The following KLF13 variants were observed in gnomAD, a reference collection of about 807,000 sequenced individuals.
The protein encoded by KLF13 is KLF transcription factor 13.
KLF13 carries 8 observed loss-of-function variants against 16.7 expected under a neutral mutation model. That is an observed-to-expected ratio of 0.48 (90% CI 0.28 to 0.87). The LOEUF (loss-of-function observed/expected upper bound fraction) is 0.87. Ranked by LOEUF, KLF13 falls within the 40% of genes least tolerant of loss-of-function variation. The pLI, the probability that KLF13 is intolerant of heterozygous loss-of-function variation, is 0.10. For missense variants in KLF13, 447 were observed against 452.2 expected (o/e 0.99, Z 0.10); for synonymous variants, 245 against 208.4 (o/e 1.18, Z -1.51).
At chr15:31,330,386 A>G (rs1284608051) in intron 1 of KLF13, among the ~76,000 whole-genome samples, 1 of 152,198 alleles carries the variant, frequency 6.6e-6, no homozygotes, top group Non-Finnish European at 1.5e-5. Context: ...ATTTCATGGC[A>G]GAGGGTGAAT....
chr15:31,362,716 A>G (rs1319894616), intron 1 of KLF13, among the ~76,000 whole-genome samples: 5 of 152,142 alleles, frequency 3.3e-5, no homozygotes, highest in Non-Finnish European at 5.9e-5. Context: ...CCTGTTCTCC[A>G]TCTGCTCAGT....
rs150607061 is a variant in KLF13 at position 31,350,919 on chromosome 15, C to T, written c.578-21091C>T. Among the ~76,000 whole-genome samples, 187 of 152,304 alleles carry T rather than the reference C, an allele frequency of 1.2e-3. 1 individual carries two copies. The highest frequency in any genetic ancestry group is 3.4e-3 in the Middle Eastern group (1 of 294). ...AAGTAAGGAGCCTAATGTTTAATGGCCTTTGTGTAAGAACATGATGATGAC... is the reference window on the plus strand; with the variant it reads ...AAGTAAGGAGCCTAATGTTTAATGGTCTTTGTGTAAGAACATGATGATGAC... On this transcript the variant is annotated intron_variant, in intron 1 of 1. Coordinates refer to ENST00000307145, the MANE Select transcript of KLF13 (RefSeq NM_015995.4).
intron 1 of KLF13, 93 bp downstream of exon 1, chr15:31,327,882 T>TG: frequency 8.6e-7 from 1 of 1,169,250 alleles, no homozygotes. Flanking sequence ...GGGCGCGAGG[T>TG]GGGGGCCGGG....
intron 1 of KLF13, among the ~76,000 whole-genome samples, chr15:31,426,823 C>A (rs140081177): frequency 6.6e-6 from 1 of 152,178 alleles, no homozygotes; most frequent in East Asian, 1.9e-4. Flanking sequence ...GAAGATCCAC[C>A]CTCACTGTGG....
At chr15:31,366,463 TC>T (rs2039473207) in intron 1 of KLF13, 2 of 152,250 alleles carry the variant, frequency 1.3e-5, no homozygotes, top group African/African-American at 4.8e-5. Context: ...GACTCTGAGA[TC>T]CGGCAGGAAG....
intron 1 of KLF13, among the ~76,000 whole-genome samples, chr15:31,416,716 G>A (rs1458164709): frequency 6.6e-6 from 1 of 152,042 alleles, no homozygotes; most frequent in African/African-American, 2.4e-5. Context: ...TACTCTCAAA[G>A]GAATCAAGAA....
intron 1 of KLF13, 21 bp downstream of exon 1, chr15:31,327,810 GC>G: frequency 6.9e-7 from 1 of 1,442,550 alleles, no homozygotes; most frequent in Non-Finnish European, 9.2e-7. Context: ...CGGCGCGGGC[GC>G]CCGGATCGCG....
At chr15:31,391,326 CG>C (rs1227034962), upstream of KLF13, among the ~76,000 whole-genome samples, 1 of 69,106 alleles carries the variant, frequency 1.4e-5, no homozygotes, top group Non-Finnish European at 2.7e-5. Flanking sequence ...CTGTGGGTGT[CG>C]GGGTTGTGGG....
At chr15:31,333,321 C>T (rs1477439764) in intron 1 of KLF13, among the ~76,000 whole-genome samples, 2 of 152,208 alleles carry the variant, frequency 1.3e-5, no homozygotes, top group Non-Finnish European at 2.9e-5. Flanking sequence ...GCAGCCGCCC[C>T]CGAGGTGGGT....
chr15:31,359,202 G>A (rs1039574434), intron 1 of KLF13, among the ~76,000 whole-genome samples: 1 of 152,214 alleles, frequency 6.6e-6, no homozygotes, highest in African/African-American at 2.4e-5. Flanking sequence ...TGTGACTCGG[G>A]TGTGCGTGAA....
chr15:31,353,625 A>G (rs1223918551), intron 1 of KLF13, among the ~76,000 whole-genome samples: 1 of 152,228 alleles, frequency 6.6e-6, no homozygotes, highest in Non-Finnish European at 1.5e-5. Context: ...GCCTCTTGCT[A>G]ATTTTAGCTT....
chr15:31,429,696 TTTATTTATTTA>T (rs1247922447), intron 1 of KLF13, among the ~76,000 whole-genome samples: 1 of 316 alleles, frequency 3.2e-3, no homozygotes, highest in Non-Finnish European at 6.1e-3. Context: ...GAAAGATTCT[TTTATTTATTTA>T]TTTATTTATT....
rs1206710178 is a variant in KLF13, at chr15:31,327,300, G to A, written c.88G>A (p.Gly30Arg). 5.4e-6 allele frequency: 7 copies of A among 1,304,210 alleles called. No individual in the cohort carries two copies. The highest frequency in any genetic ancestry group is 3.3e-5 in the East Asian group (1 of 30,510). 80.8% of individuals were successfully genotyped at this position (1,304,210 alleles called of 1,614,324 possible). ...CGCGGTCGTGCACGGGCCGCGGGAG[G>A]GGCCGGAGTCCCGGCCCGAGGGCGC... ...SRAVVHGPRE[G>R]PESRPEGAAV... The change falls in exon 1 of 2, where the codon GGG (glycine) becomes AGG (arginine). Residue 30 changes from glycine (G) to arginine (R), a missense_variant. Physicochemically the swap from Gly to Arg is moderately radical, Grantham distance 125 (BLOSUM62 -2). Coordinates refer to ENST00000307145, the MANE Select transcript of KLF13 (RefSeq NM_015995.4).
chr15:31,358,791 G>T (rs746676932), intron 1 of KLF13, among the ~76,000 whole-genome samples: 5 of 152,162 alleles, frequency 3.3e-5, no homozygotes, highest in Non-Finnish European at 5.9e-5. Context: ...TCACCCCTGG[G>T]CTATCACCAG....
intron 1 of KLF13, among the ~76,000 whole-genome samples, chr15:31,351,463 A>G (rs62037893): frequency 2.4e-5 from 3 of 123,724 alleles, no homozygotes; most frequent in African/African-American, 3.6e-5. Flanking sequence ...ACTGGTTTCT[A>G]ACCTGGTCTG....
At chr15:31,340,951 T>C (rs2039012410) in intron 1 of KLF13, among the ~76,000 whole-genome samples, 1 of 152,186 alleles carries the variant, frequency 6.6e-6, no homozygotes, top group Non-Finnish European at 1.5e-5. Flanking sequence ...ATGAGCACAC[T>C]TGGGAGTTTC....
chr15:31,360,760 C>T (rs1470430492), intron 1 of KLF13, among the ~76,000 whole-genome samples: 17 of 152,314 alleles, frequency 1.1e-4, no homozygotes, highest in Admixed American at 1.0e-3. Flanking sequence ...TTTTTAGGCC[C>T]GTCGTCCAAA....
rs1358910326 is a variant in KLF13, at chr15:31,376,961, G to C, written c.*4662G>C. The C allele has an allele frequency of 6.9e-6, 1 of 144,452 alleles. No individual in the cohort carries two copies. Among genetic ancestry groups the C allele is most frequent in the Non-Finnish European group, 1.5e-5 (1 of 65,250 alleles). 8.9% of individuals were successfully genotyped at this position (144,452 alleles called of 1,614,324 possible). A position where few individuals can be genotyped will look rare whatever the true frequency, so the allele number is the denominator to read the frequency against. ...CCCTACCCTACAAGTCACACATTCC[G>C]GGGAGGGGGGTGGGGGGTGGAGGCA... On this transcript the variant is annotated 3_prime_UTR_variant, in exon 2 of 2. Coordinates refer to ENST00000307145, the MANE Select transcript of KLF13 (RefSeq NM_015995.4).
intron 1 of KLF13, among the ~76,000 whole-genome samples, chr15:31,350,087 GC>G (rs1207005491): frequency 5.3e-5 from 8 of 152,214 alleles, no homozygotes; most frequent in Admixed American, 5.2e-4. Flanking sequence ...AGAGAAAATG[GC>G]CCCTAACCCT....
Sources: allele counts gnomAD v4.1 joint callset (sites outside exome capture counted in the v4.1 genomes callset), GRCh38; gene constraint gnomAD v4.1.1; transcripts MANE v1.5; gene names NCBI Gene and HGNC (gene_info 2026-07-23, HGNC 2026-07-21).